MARCHF10: variants seen among roughly 807,000 people sequenced by gnomAD.
MARCHF10 encodes probable E3 ubiquitin-protein ligase MARCHF10.
A neutral mutation model predicts 76.2 loss-of-function variants in MARCHF10; 64 were observed. The observed-to-expected ratio is 0.84, with a 90% confidence interval of 0.69 to 1.03. MARCHF10 has a LOEUF of 1.03. Among genes scored for constraint, MARCHF10 ranks in the 50% least tolerant of loss-of-function variants. The pLI, the probability that MARCHF10 is intolerant of heterozygous loss-of-function variation, is 0.00. For synonymous variants in MARCHF10, 340 were observed against 357.5 expected (o/e 0.95, Z 0.55); for missense variants, 875 against 958.0 (o/e 0.91, Z 1.14).
At chr17:62,779,811 G>A (rs983640361) in intron 3 of MARCHF10, among the ~76,000 whole-genome samples, 9 of 152,268 alleles carry the variant, frequency 5.9e-5, no homozygotes, top group African/African-American at 9.6e-5. Flanking sequence ...TATGGCAGCC[G>A]GATGGCTGAG....
chr17:62,776,874 A>G lies in MARCHF10; in HGVS notation c.210+11606T>C, dbSNP rs1462723539. Among the ~76,000 whole-genome samples, 26 of 152,162 alleles carry G rather than the reference A, an allele frequency of 1.7e-4. 1 individual carries two copies. On this transcript the variant is annotated intron_variant, in intron 3 of 10. Coordinates refer to ENST00000311269, the MANE Select transcript of MARCHF10 (RefSeq NM_152598.4). ...GTGACCAAAGGAACCTGGTGTTTTA[A>G]AGAAGCCATCTGTCCCTCTGTAGAG...
chr17:62,771,613 G>T (rs2092450001), intron 3 of MARCHF10, among the ~76,000 whole-genome samples: 2 of 135,578 alleles, frequency 1.5e-5, no homozygotes, highest in Non-Finnish European at 1.5e-5. Context: ...GTCTCACTCT[G>T]TTGCCCAGGC....
chr17:62,749,163 A>T (rs2091810780), intron 4 of MARCHF10, among the ~76,000 whole-genome samples: 1 of 152,020 alleles, frequency 6.6e-6, no homozygotes, highest in Non-Finnish European at 1.5e-5. Flanking sequence ...CAATGTTGGG[A>T]AACTGTGATT....
intron 4 of MARCHF10, among the ~76,000 whole-genome samples, chr17:62,756,493 A>T (rs2092047987): frequency 1.3e-5 from 2 of 152,208 alleles, no homozygotes; most frequent in South Asian, 4.1e-4. Context: ...CTGATTTTGT[A>T]AAGAAAAAAA....
chr17:62,777,785 C>G (rs1010607851), intron 3 of MARCHF10, among the ~76,000 whole-genome samples: 2 of 150,896 alleles, frequency 1.3e-5, no homozygotes, highest in African/African-American at 4.9e-5. Context: ...TGAGCTGCCA[C>G]TCTGGGCACA....
At chr17:62,802,651 G>A (rs951320036) in intron 1 of MARCHF10, among the ~76,000 whole-genome samples, 1 of 152,168 alleles carries the variant, frequency 6.6e-6, no homozygotes, top group South Asian at 2.1e-4. Flanking sequence ...GGTCTGGAGG[G>A]GTCAGGCAAG....
chr17:62,702,451 G>A (rs2089300226), intron 10 of MARCHF10, among the ~76,000 whole-genome samples: 1 of 152,044 alleles, frequency 6.6e-6, no homozygotes, highest in Non-Finnish European at 1.5e-5. Context: ...AATCACTTGA[G>A]GTCAGGAGTT....
At chr17:62,702,677 T>TA (rs1568081846) in intron 10 of MARCHF10, among the ~76,000 whole-genome samples, 1 of 151,076 alleles carries the variant, frequency 6.6e-6, no homozygotes, top group African/African-American at 2.4e-5. Context: ...AAAAGAAAAA[T>TA]AAAAAAAGAA....
chr17:62,795,066 GA>G, intron 2 of MARCHF10: 2 of 985,212 alleles, frequency 2.0e-6, no homozygotes, highest in Non-Finnish European at 2.4e-6. Flanking sequence ...GTCCCTATGG[GA>G]AGAAAAGTTG....
At chr17:62,797,907 T>A (rs1209067674) in intron 2 of MARCHF10, among the ~76,000 whole-genome samples, 1 of 104,372 alleles carries the variant, frequency 9.6e-6, no homozygotes, top group Non-Finnish European at 2.3e-5. Context: ...CGTGAGTTCT[T>A]AGGTATACTT....
intron 2 of MARCHF10, among the ~76,000 whole-genome samples, chr17:62,795,259 GA>G (rs1258668183): frequency 7.0e-6 from 1 of 143,080 alleles, no homozygotes; most frequent in African/African-American, 2.6e-5. Context: ...ATAGAGTATA[GA>G]AAATCACTCT....
Position 62,788,137 on chromosome 17 carries a change from A to G in MARCHF10, c.210+343T>C, listed in dbSNP as rs571920185. On this transcript the variant is annotated intron_variant, in intron 3 of 10. Coordinates refer to ENST00000311269, the MANE Select transcript of MARCHF10 (RefSeq NM_152598.4). ...CCACAGAGATGATGCTGTGCTTAAG[A>G]AGGCCCAGTGCCTCCAACTCTTATA... Among the ~76,000 whole-genome samples, 17 of 152,272 alleles carry G rather than the reference A, an allele frequency of 1.1e-4. No homozygotes were observed. In the East Asian group the frequency reaches 3.1e-3, roughly 28 times the overall value.
Position 62,718,470 on chromosome 17 carries a change from T to A in MARCHF10, c.2214+4018A>T, listed in dbSNP as rs556390425. On this transcript the variant is annotated intron_variant, in intron 8 of 10. Coordinates refer to ENST00000311269, the MANE Select transcript of MARCHF10 (RefSeq NM_152598.4). ...GCTTGGGGCCAAAAGGGATCTTTTC[T>A]AGACAAGGCATTCCCCTGGGCTGCA... 4.4e-4 allele frequency among the ~76,000 whole-genome samples: 67 copies of A among 152,336 alleles called. 1 individual carries two copies. Among genetic ancestry groups the A allele is most frequent in the African/African-American group, 1.5e-3 (62 of 41,586 alleles).
chr17:62,798,841 C>T (rs2093028509), intron 2 of MARCHF10, among the ~76,000 whole-genome samples: 1 of 152,182 alleles, frequency 6.6e-6, no homozygotes, highest in African/African-American at 2.4e-5. Context: ...AATGAGAGGC[C>T]TGTGGATGGC....
chr17:62,769,432 G>T (rs1473889704), intron 3 of MARCHF10, among the ~76,000 whole-genome samples: 3 of 152,032 alleles, frequency 2.0e-5, no homozygotes, highest in Non-Finnish European at 4.4e-5. Context: ...TTGTTTGTTT[G>T]TTTGAGACAG....
intron 2 of MARCHF10, among the ~76,000 whole-genome samples, chr17:62,794,735 C>G (rs935935763): frequency 5.3e-5 from 8 of 152,160 alleles, no homozygotes; most frequent in Non-Finnish European, 8.8e-5. Flanking sequence ...AACCACGACC[C>G]GACTTTACAT....
chr17:62,712,251 A>T lies in MARCHF10; in HGVS notation c.2215-907T>A, dbSNP rs551569586. On this transcript the variant is annotated intron_variant, in intron 8 of 10. Transcript: ENST00000311269. The surrounding 1 kb of genome is among the most constrained non-coding windows in gnomAD (Gnocchi z 4.2). ...CAAAGCCACCCAGCCCCCGGGGAAT[A>T]GAGTCCCCAGCAGAGGGCATGGCCC... Among the ~76,000 whole-genome samples the T allele has an allele frequency of 6.6e-6, 1 of 152,342 alleles. No individual in the cohort carries two copies. Among genetic ancestry groups the T allele is most frequent in the South Asian group, 2.1e-4 (1 of 4,830 alleles).
intron 2 of MARCHF10, among the ~76,000 whole-genome samples, chr17:62,792,707 T>C (rs1395375017): frequency 7.7e-4 from 44 of 57,112 alleles, no homozygotes; most frequent in South Asian, 1.4e-3. Context: ...CCTCCATCAC[T>C]ACAACCATCA....
intron 2 of MARCHF10, among the ~76,000 whole-genome samples, chr17:62,792,122 T>C (rs921280791): frequency 6.6e-6 from 1 of 152,040 alleles, no homozygotes; most frequent in African/African-American, 2.4e-5. Context: ...CCATTGGTGT[T>C]GACCCCCCAC....
Sources: allele counts gnomAD v4.1 joint callset (sites outside exome capture counted in the v4.1 genomes callset), GRCh38; gene constraint gnomAD v4.1.1; non-coding constraint Gnocchi (gnomAD v3.1); transcripts MANE v1.5; gene names NCBI Gene and HGNC (gene_info 2026-07-23, HGNC 2026-07-21).